MAPK14: variants seen among roughly 807,000 people sequenced by gnomAD.
The protein encoded by MAPK14 is mitogen-activated protein kinase 14.
MAPK14 carries 16 observed loss-of-function variants against 49.6 expected under a neutral mutation model. The observed-to-expected ratio is 0.32, with a 90% CI of 0.22 to 0.49. The LOEUF (loss-of-function observed/expected upper bound fraction) is 0.49. Ranked by LOEUF, MAPK14 falls within the 20% of genes least tolerant of loss-of-function variation. The pLI is 0.99. For missense variants in MAPK14, 200 were observed against 441.2 expected (o/e 0.45, Z 4.90); for synonymous variants, 142 against 158.0 (o/e 0.90, Z 0.76).
rs1382003988 is a variant in MAPK14, at chr6:36,028,243, C to T, written c.86C>T (p.Pro29Leu). 1.2e-6 allele frequency: 2 copies of T among 1,613,544 alleles called. No homozygotes were observed. Among genetic ancestry groups the T allele is most frequent in the African/African-American group, 1.3e-5 (1 of 74,920 alleles). The stretch of plus-strand genomic sequence containing the variant: ...CCCGAGCGTTACCAGAACCTGTCTC[C>T]AGTGGGCTCTGGCGCCTATGGCTCT... ...EVPERYQNLS[P>L]VGSGAYGSVC... Residue 29 changes from proline (P) to leucine (L), a missense_variant, in exon 1 of 12, where the codon CCA (proline) becomes CTA (leucine). By Grantham distance (98) the Pro-to-Leu change is moderately conservative. Around this residue, in one of 2 missense-constraint regions of MAPK14, gnomAD observed 30 missense variants for 34.2 expected, o/e 0.88. Coordinates refer to ENST00000229794, the MANE Select transcript of MAPK14 (RefSeq NM_139012.3). The surrounding 1 kb of genome is among the most constrained non-coding windows in gnomAD (Gnocchi z 5.1).
intron 4 of MAPK14, 41 bp downstream of exon 4, chr6:36,073,025 C>T (rs767297451): frequency 4.9e-6 from 6 of 1,220,110 alleles, no homozygotes; most frequent in East Asian, 2.3e-5. Flanking sequence ...AATGAATTCT[C>T]CCTTTCTCCC....
chr6:36,040,361 A>G (rs933538072), intron 1 of MAPK14, among the ~76,000 whole-genome samples: 8 of 152,068 alleles, frequency 5.3e-5, no homozygotes, highest in African/African-American at 1.9e-4. Context: ...CACTTATATA[A>G]CCCTATATAT....
At position 36,087,743 on chromosome 6, in the gene MAPK14, C is replaced by T. The variant is rs1243060146; in HGVS notation, c.683-8244C>T. Among the ~76,000 whole-genome samples, 3 of 152,262 alleles carry T rather than the reference C, an allele frequency of 2.0e-5. No individual in the cohort carries two copies. The East Asian group carries it at 5.8e-4, about 29-fold the overall frequency. ...TAATTTATAAATTTAATGCTATTCC[C>T]ATTAAACTACTGTTGACATTCTTCA... On this transcript the variant is annotated intron_variant, in intron 8 of 11. Transcript: ENST00000229794.
At chr6:36,096,921 C>T (rs1331378397) in intron 9 of MAPK14, 1 of 152,184 alleles carries the variant, frequency 6.6e-6, no homozygotes, top group Admixed American at 6.5e-5. Flanking sequence ...CTTTTTCCCT[C>T]GATCTGCTGC....
chr6:36,082,015 C>G (rs1396915922), intron 8 of MAPK14, among the ~76,000 whole-genome samples: 1 of 151,788 alleles, frequency 6.6e-6, no homozygotes, highest in South Asian at 2.1e-4. Flanking sequence ...GATGGAAATT[C>G]TTTGGTGTGT....
In MAPK14 at chr6:36,054,155, C is replaced by T. The variant is rs917480643; in HGVS notation, c.246+1327C>T. ...CTGGCAGCTTTAAGGGATGTGTTTG[C>T]GTTTGATTTTTAACACATTTAAGTG... is the stretch of plus-strand genomic sequence containing the variant. On this transcript the variant is annotated intron_variant, in intron 2 of 11. Coordinates refer to ENST00000229794, the MANE Select transcript of MAPK14 (RefSeq NM_139012.3). Among the ~76,000 whole-genome samples the T allele has an allele frequency of 3.3e-5, 5 of 152,162 alleles. No individual in the cohort carries two copies. The South Asian group carries it at 6.2e-4, about 19-fold the overall frequency.
intron 2 of MAPK14, 83 bp from the exon 3 acceptor site, chr6:36,059,206 A>T (rs1041185858): frequency 1.2e-4 from 94 of 795,392 alleles, no homozygotes; most frequent in Admixed American, 5.1e-4. Context: ...CTGACTCTTT[A>T]AAAAAAAAGA....
At chr6:36,113,174 G>C (rs910392470), downstream of MAPK14, among the ~76,000 whole-genome samples, 1 of 151,742 alleles carries the variant, frequency 6.6e-6, no homozygotes, top group South Asian at 2.1e-4. Flanking sequence ...AACATAGCTG[G>C]GGACTCTTGA....
intron 3 of MAPK14, among the ~76,000 whole-genome samples, chr6:36,070,406 A>T (rs1764223112): frequency 1.3e-5 from 2 of 152,184 alleles, no homozygotes; most frequent in South Asian, 2.1e-4. Context: ...TGTCAATGAA[A>T]TGGGAACGCT....
At chr6:36,052,422 C>G (rs1763437224) in intron 1 of MAPK14, among the ~76,000 whole-genome samples, 1 of 152,154 alleles carries the variant, frequency 6.6e-6, no homozygotes, top group African/African-American at 2.4e-5. Context: ...AGAGGTCTTA[C>G]TTACAAAGTT....
chr6:36,070,394 C>T (rs753425744), intron 3 of MAPK14, among the ~76,000 whole-genome samples: 4 of 152,084 alleles, frequency 2.6e-5, no homozygotes, highest in Admixed American at 6.5e-5. Context: ...TCTCTATTTC[C>T]TTGTCAATGA....
rs1215590693 is a variant in MAPK14 at position 36,073,720 on chromosome 6, G to GGTAT, written c.447+5_447+8dup. 3.1e-6 allele frequency: 5 copies of GGTAT among 1,611,988 alleles called. No individual in the cohort carries two copies. The highest frequency in any genetic ancestry group is 4.2e-6 in the Non-Finnish European group (5 of 1,179,144). ...TACATTCAGCTGACATAATTCACAGGGTATGTATTGTGACTTTGATTACAT... is the reference window on the plus strand; with the variant it reads ...TACATTCAGCTGACATAATTCACAGGGTATGTATGTATTGTGACTTTGATTACAT... On this transcript the variant is annotated frameshift_variant and splice_region_variant. Coordinates refer to ENST00000229794, the MANE Select transcript of MAPK14 (RefSeq NM_139012.3). LOFTEE classifies it high-confidence loss of function.
rs187677286 is a variant in MAPK14, at chr6:36,097,351, A to G, written c.762+1285A>G. 9.8e-5 allele frequency: 15 copies of G among 152,344 alleles called. No individual in the cohort carries two copies. The East Asian group carries it at 1.9e-3, about 20-fold the overall frequency. 9.4% of individuals were successfully genotyped at this position (152,344 alleles called of 1,614,324 possible). ...CTATAATCCCATGTGATTACACACTATTTTGAAAGTCATTGTCAGTGTTAC... is the reference window on the plus strand; with the variant it reads ...CTATAATCCCATGTGATTACACACTGTTTTGAAAGTCATTGTCAGTGTTAC... On this transcript the variant is annotated intron_variant, in intron 9 of 11. Coordinates refer to ENST00000229794, the MANE Select transcript of MAPK14 (RefSeq NM_139012.3).
chr6:36,096,335 A>T lies in MAPK14; in HGVS notation c.762+269A>T, dbSNP rs1028149408. The T allele has an allele frequency of 1.5e-5, 5 of 340,930 alleles. No individual in the cohort carries two copies. In the Admixed American group the frequency reaches 1.8e-4, roughly 12 times the overall value. 21.1% of individuals were successfully genotyped at this position (340,930 alleles called of 1,614,324 possible). ...TAGACAATAGTATCCCAGTAAAGCA[A>T]TGAGATTTGAGATTCTAATTCATTC... On this transcript the variant is annotated intron_variant, in intron 9 of 11. Transcript: ENST00000229794.
rs1237497490 is a variant in MAPK14, at chr6:36,108,452, C to G, written c.*5C>G. The G allele has an allele frequency of 6.2e-7, 1 of 1,612,602 alleles. No homozygotes were observed. Among genetic ancestry groups the G allele is most frequent in the Non-Finnish European group, 8.5e-7 (1 of 1,178,602 alleles). On this transcript the variant is annotated 3_prime_UTR_variant, in exon 12 of 12. Transcript: ENST00000229794. ...CAAGAAGAGATGGAGTCCTGAGCAC[C>G]TGGTTTCTGTTCTGTTGATCCCACT...
rs904872010 is a variant in MAPK14, at chr6:36,028,668, G to C, written c.116+395G>C. Among the ~76,000 whole-genome samples, 17 of 152,314 alleles carry C rather than the reference G, an allele frequency of 1.1e-4. No individual in the cohort carries two copies. Among genetic ancestry groups the C allele is most frequent in the African/African-American group, 3.8e-4 (16 of 41,570 alleles). On this transcript the variant is annotated intron_variant, in intron 1 of 11. Coordinates refer to ENST00000229794, the MANE Select transcript of MAPK14 (RefSeq NM_139012.3). This position sits in a 1 kb window ranked among gnomAD's most constrained non-coding sequence, Gnocchi z 5.1. ...CGTGATGCGCCCACGCTGGGGCTCC[G>C]GACCCTGGGTCCTCTGAGCAGACAA...
chr6:36,033,603 C>CCACA (rs1255289381), intron 1 of MAPK14, among the ~76,000 whole-genome samples: 1 of 152,204 alleles, frequency 6.6e-6, no homozygotes, highest in Non-Finnish European at 1.5e-5. Flanking sequence ...GAATGAGCCA[C>CCACA]CACACCCAGC....
At chr6:36,073,167 T>C (rs1474723079) in intron 4 of MAPK14, 183 bp downstream of exon 4, 3 of 582,674 alleles carry the variant, frequency 5.1e-6, no homozygotes, top group Non-Finnish European at 6.1e-6. Flanking sequence ...TACCGACATA[T>C]GGCCAATCAT....
rs201010037 is a variant in MAPK14 at position 36,076,517 on chromosome 6, C to T, written c.611-20C>T. Reference sequence around the variant, plus strand: ...AACAGTGACATTGCATATACTTTTACTTCTTTTTAATTTTGCCAGTTGATA... The same window carrying T: ...AACAGTGACATTGCATATACTTTTATTTCTTTTTAATTTTGCCAGTTGATA... On this transcript the variant is annotated intron_variant, in intron 7 of 11. Transcript: ENST00000229794. The T allele has an allele frequency of 4.4e-6, 7 of 1,591,842 alleles. No homozygotes were observed. In the African/African-American group the frequency reaches 8.0e-5, roughly 18 times the overall value.
Sources: allele counts gnomAD v4.1 joint callset (sites outside exome capture counted in the v4.1 genomes callset), GRCh38; gene constraint gnomAD v4.1.1; regional missense constraint gnomAD v4.1.1; non-coding constraint Gnocchi (gnomAD v3.1); transcripts MANE v1.5; gene names NCBI Gene and HGNC (gene_info 2026-07-23, HGNC 2026-07-21).